EEIG2: variants seen among roughly 807,000 people sequenced by gnomAD.
The protein encoded by EEIG2 is family with sequence similarity 102 member B.
At chr1:108,621,902 A>G in the EEIG2 span, among the ~76,000 whole-genome samples, 2 of 152,144 alleles carry the variant, frequency 1.3e-5, no homozygotes, top group Admixed American at 6.5e-5. Flanking sequence ...CACGCCTGTA[A>G]TCCCAACACT....
chr1:108,586,108 A>G, the EEIG2 span, among the ~76,000 whole-genome samples: 12 of 152,110 alleles, frequency 7.9e-5, no homozygotes, highest in African/African-American at 2.4e-4. Context: ...ATAATAATAC[A>G]TAGCAAAAAT....
At chr1:108,604,075 A>T in the EEIG2 span, among the ~76,000 whole-genome samples, 1 of 152,350 alleles carries the variant, frequency 6.6e-6, no homozygotes, top group African/African-American at 2.4e-5. Context: ...AATCAAAGAT[A>T]TCGAACCACA....
the EEIG2 span, among the ~76,000 whole-genome samples, chr1:108,600,264 C>T: frequency 2.6e-5 from 4 of 152,130 alleles, no homozygotes; most frequent in African/African-American, 2.4e-5. Context: ...GTACCACATG[C>T]GCAGCATATA....
chr1:108,582,941 A>G, the EEIG2 span, among the ~76,000 whole-genome samples: 1 of 151,592 alleles, frequency 6.6e-6, no homozygotes, highest in Admixed American at 6.6e-5. Context: ...TCACATGAAG[A>G]TGATTTTATT....
the EEIG2 span, among the ~76,000 whole-genome samples, chr1:108,632,976 A>C: frequency 4.1e-5 from 6 of 146,702 alleles, no homozygotes; most frequent in Non-Finnish European, 9.0e-5. Flanking sequence ...ATAGAGACAG[A>C]GTCTCACTGT....
At chr1:108,600,723 A>G in the EEIG2 span, 1 of 1,579,122 alleles carries the variant, frequency 6.3e-7, no homozygotes, top group Non-Finnish European at 8.6e-7. Flanking sequence ...CCTTTCAGAA[A>G]CCATAATTAG....
At chr1:108,576,288 T>G in the EEIG2 span, among the ~76,000 whole-genome samples, 1 of 152,378 alleles carries the variant, frequency 6.6e-6, no homozygotes, top group South Asian at 2.1e-4. Context: ...TATTGTGCTT[T>G]GCAGATACTG....
At chr1:108,581,636 G>C in the EEIG2 span, among the ~76,000 whole-genome samples, 4 of 152,216 alleles carry the variant, frequency 2.6e-5, no homozygotes, top group Non-Finnish European at 4.4e-5. Context: ...AAATAGCAAG[G>C]GAACAAGAAT....
At chr1:108,612,001 G>A in the EEIG2 span, among the ~76,000 whole-genome samples, 3 of 151,864 alleles carry the variant, frequency 2.0e-5, no homozygotes, top group Admixed American at 1.3e-4. Flanking sequence ...TCATATAAAA[G>A]GTGAACCAAT....
At chr1:108,607,253 T>C in the EEIG2 span, among the ~76,000 whole-genome samples, 6 of 152,340 alleles carry the variant, frequency 3.9e-5, no homozygotes, top group African/African-American at 1.4e-4. Context: ...GGCTGCTTAA[T>C]TTTAAGTCAA....
the EEIG2 span, among the ~76,000 whole-genome samples, chr1:108,565,456 A>G: frequency 6.6e-6 from 1 of 152,208 alleles, no homozygotes; most frequent in Non-Finnish European, 1.5e-5. Flanking sequence ...TTGTATTTAA[A>G]TCTTTTCACC....
chr1:108,582,007 C>T, the EEIG2 span, among the ~76,000 whole-genome samples: 1 of 152,088 alleles, frequency 6.6e-6, no homozygotes, highest in Non-Finnish European at 1.5e-5. Flanking sequence ...ACAGCCACCC[C>T]AACCCTTAAC....
the EEIG2 span, chr1:108,600,447 C>T: frequency 5.1e-6 from 6 of 1,175,258 alleles, no homozygotes; most frequent in Non-Finnish European, 7.1e-6. Context: ...ACACTGTTTA[C>T]AAATACTGGC....
At chr1:108,628,545 C>G in the EEIG2 span, 1 of 1,613,610 alleles carries the variant, frequency 6.2e-7, no homozygotes. Flanking sequence ...AATCTTGATA[C>G]AGCTGATAAA....
the EEIG2 span, among the ~76,000 whole-genome samples, chr1:108,583,722 T>C: frequency 6.6e-6 from 1 of 152,074 alleles, no homozygotes; most frequent in African/African-American, 2.4e-5. Flanking sequence ...AGACATAAAC[T>C]GTTAGGATTG....
chr1:108,606,351 CA>C, the EEIG2 span: 1 of 739,116 alleles, frequency 1.4e-6, no homozygotes, highest in Non-Finnish European at 2.1e-6. Flanking sequence ...AATATCTGTT[CA>C]AGCTTGGCTC....
At chr1:108,601,222 T>TA in the EEIG2 span, among the ~76,000 whole-genome samples, 744 of 148,906 alleles carry the variant, frequency 5.0e-3, 6 homozygotes, top group African/African-American at 0.017. Context: ...ACCAATAATC[T>TA]AAAAAAAAAA....
the EEIG2 span, among the ~76,000 whole-genome samples, chr1:108,632,177 A>G: frequency 1.3e-5 from 2 of 151,800 alleles, no homozygotes; most frequent in East Asian, 3.9e-4. Flanking sequence ...CCTTAAAACT[A>G]GTAAGTGGTA....
At chr1:108,631,082 A>T in the EEIG2 span, 15 of 350,614 alleles carry the variant, frequency 4.3e-5, no homozygotes, top group Admixed American at 5.0e-4. Context: ...GAGTAATGTG[A>T]AAAAGGATTT....
Sources: allele counts gnomAD v4.1 joint callset (sites outside exome capture counted in the v4.1 genomes callset), GRCh38; gene constraint gnomAD v4.1.1; transcripts MANE v1.5; gene names NCBI Gene and HGNC (gene_info 2026-07-23, HGNC 2026-07-21).